Variants in RASEF observed in about 807,000 individuals in gnomAD.
RASEF encodes RAS and EF-hand domain containing, also known as ras and EF-hand domain-containing protein.
Under a neutral mutation model 90.1 loss-of-function variants are expected in RASEF, and 68 were observed. That is an observed-to-expected ratio of 0.75 (90% CI 0.62 to 0.92). The LOEUF (loss-of-function observed/expected upper bound fraction) is 0.92. Ranked by LOEUF, RASEF falls within the 40% of genes least tolerant of loss-of-function variation. The pLI, the probability that RASEF is intolerant of heterozygous loss-of-function variation, is 0.00. For synonymous variants in RASEF, 331 were observed against 345.2 expected (o/e 0.96, Z 0.46); for missense variants, 949 against 937.2 (o/e 1.01, Z -0.16).
At chr9:83,160,522 G>A in the RASEF span, among the ~76,000 whole-genome samples, 25 of 152,124 alleles carry the variant, frequency 1.6e-4, no homozygotes, top group Non-Finnish European at 2.6e-4. Context: ...CTTGGGCACC[G>A]ATAAAGGCAT....
chr9:83,207,193 T>G, the RASEF span, among the ~76,000 whole-genome samples: 2,597 of 142,062 alleles, frequency 0.018, 32 homozygotes, highest in African/African-American at 0.045. Flanking sequence ...TCCAAGAGAG[T>G]CTATCACGGA....
rs765315283 is a variant in RASEF, at chr9:83,005,418, A to C, written c.1111T>G (p.Leu371Val). 1 of 1,606,692 alleles carries C rather than the reference A, an allele frequency of 6.2e-7. No homozygotes were observed. The highest frequency in any genetic ancestry group is 1.1e-5 in the South Asian group (1 of 90,908). Residue 371 changes from leucine to valine, a missense_variant and splice_region_variant, in exon 8 of 17, where the codon TTG becomes GTG. By Grantham distance (32) the Leu-to-Val change is conservative. Coordinates refer to ENST00000376447, the MANE Select transcript of RASEF (RefSeq NM_152573.4). ...CATGGTAAAACTATGTGGCATACCA[A>C]AGATCTGTTGAACTTGCTATAACTG... ...ENSYSKFNRS[L>V]HINNISPGNT...
chr9:83,023,226 T>G (rs1829475508), intron 2 of RASEF, among the ~76,000 whole-genome samples: 2 of 152,352 alleles, frequency 1.3e-5, no homozygotes, highest in South Asian at 4.1e-4. Context: ...TATTCTTATT[T>G]GTCCCCTAAA....
At chr9:83,079,511 A>C in the RASEF span, among the ~76,000 whole-genome samples, 4 of 152,146 alleles carry the variant, frequency 2.6e-5, no homozygotes, top group African/African-American at 9.7e-5. Context: ...GAACTCACCC[A>C]CTATCAAGAA....
chr9:83,154,482 A>G, the RASEF span, among the ~76,000 whole-genome samples: 1 of 152,140 alleles, frequency 6.6e-6, no homozygotes, highest in African/African-American at 2.4e-5. Context: ...TTCTCTCTGC[A>G]TGAGTCACAG....
At chr9:83,143,606 T>C in the RASEF span, among the ~76,000 whole-genome samples, 4 of 152,146 alleles carry the variant, frequency 2.6e-5, no homozygotes, top group African/African-American at 7.2e-5. Flanking sequence ...TTTTGTGAGA[T>C]ATCATCCCAC....
the RASEF span, among the ~76,000 whole-genome samples, chr9:83,141,514 C>G: frequency 2.0e-5 from 3 of 152,320 alleles, no homozygotes; most frequent in East Asian, 3.9e-4. Context: ...TTCCCGAAAA[C>G]AGCTGTAAAC....
the RASEF span, among the ~76,000 whole-genome samples, chr9:83,072,966 AG>A: frequency 5.3e-5 from 8 of 152,312 alleles, no homozygotes; most frequent in Non-Finnish European, 1.2e-4. Flanking sequence ...AGTTTTAGAG[AG>A]GAAAACACTA....
At chr9:83,005,536 G>A in intron 7 of RASEF, 36 bp from the exon 8 acceptor site, 4 of 1,486,328 alleles carry the variant, frequency 2.7e-6, no homozygotes, top group Non-Finnish European at 3.8e-6. Context: ...AGAGAGACAA[G>A]GAAAGTATCA....
chr9:83,202,771 C>T, the RASEF span, among the ~76,000 whole-genome samples: 5 of 152,134 alleles, frequency 3.3e-5, no homozygotes, highest in East Asian at 9.6e-4. Context: ...GGATTACAGG[C>T]TTGAGCCACC....
At chr9:83,143,430 G>A in the RASEF span, among the ~76,000 whole-genome samples, 2 of 151,948 alleles carry the variant, frequency 1.3e-5, no homozygotes, top group African/African-American at 4.8e-5. Context: ...GAATAGACAC[G>A]TCTCAAAAGA....
chr9:83,111,399 GGTGA>G, the RASEF span, among the ~76,000 whole-genome samples: 1 of 152,114 alleles, frequency 6.6e-6, no homozygotes, highest in African/African-American at 2.4e-5. Context: ...TTCAGTTTTA[GGTGA>G]GTAAGTTTCG....
At chr9:82,994,580 A>C (rs1215313503) in intron 14 of RASEF, among the ~76,000 whole-genome samples, 3 of 152,194 alleles carry the variant, frequency 2.0e-5, no homozygotes, top group African/African-American at 7.2e-5. Context: ...CTCCATAAGG[A>C]CAGGGCTCTG....
chr9:83,130,565 C>T, the RASEF span, among the ~76,000 whole-genome samples: 1 of 152,190 alleles, frequency 6.6e-6, no homozygotes, highest in African/African-American at 2.4e-5. Flanking sequence ...CACACTGACA[C>T]AGTATTGAAA....
At chr9:83,026,685 C>T (rs1283805340) in intron 1 of RASEF, among the ~76,000 whole-genome samples, 1 of 152,146 alleles carries the variant, frequency 6.6e-6, no homozygotes, top group Non-Finnish European at 1.5e-5. Flanking sequence ...CAAACCACAG[C>T]AATGAATATA....
At chr9:83,129,021 T>C in the RASEF span, among the ~76,000 whole-genome samples, 1 of 152,258 alleles carries the variant, frequency 6.6e-6, no homozygotes, top group Admixed American at 6.5e-5. Context: ...TATCCCCATA[T>C]AGGTCAGTTA....
intron 1 of RASEF, among the ~76,000 whole-genome samples, chr9:83,030,479 G>C (rs1412991851): frequency 6.6e-6 from 1 of 152,110 alleles, no homozygotes; most frequent in African/African-American, 2.4e-5. Flanking sequence ...TCTAAAATGA[G>C]AAAGAAACAT....
intron 16 of RASEF, among the ~76,000 whole-genome samples, chr9:82,990,053 ATCATAATAGACAGTTGTAT>A (rs1211305864): frequency 1.3e-5 from 2 of 152,208 alleles, no homozygotes; most frequent in Admixed American, 6.5e-5. Flanking sequence ...CCGGGAAAAT[ATCATAATAGACAGTTGTAT>A]TCATAATAGT....
intron 1 of RASEF, among the ~76,000 whole-genome samples, chr9:83,040,955 G>C (rs149079319): frequency 0.014 from 2,134 of 152,230 alleles, 41 homozygotes; most frequent in African/African-American, 0.049. Context: ...CTGCCTCCTG[G>C]GTTCAAACGA....
Sources: gnomAD v4.1 joint callset for allele counts (sites outside exome capture counted in the v4.1 genomes callset) on GRCh38, gnomAD v4.1.1 for gene constraint, MANE v1.5 for transcripts, NCBI Gene and HGNC (gene_info 2026-07-23, HGNC 2026-07-21) for gene names.